FBXO25: variants seen among roughly 807,000 people sequenced by gnomAD.
FBXO25 encodes the protein F-box only protein 25.
Under a neutral mutation model 51.9 loss-of-function variants are expected in FBXO25, and 45 were observed. That is an observed-to-expected ratio of 0.87 (90% CI 0.68 to 1.11). The LOEUF (loss-of-function observed/expected upper bound fraction) is 1.11. Ranked by LOEUF, FBXO25 falls within the 50% of genes most tolerant of loss-of-function variation. FBXO25 has a pLI of 0.00. For synonymous variants in FBXO25, 199 were observed against 151.0 expected (o/e 1.32, Z -2.33); for missense variants, 507 against 428.5 (o/e 1.18, Z -1.62).
At chr8:455,558 A>G (rs747271659) in intron 7 of FBXO25, among the ~76,000 whole-genome samples, 1 of 152,244 alleles carries the variant, frequency 6.6e-6, no homozygotes, top group Non-Finnish European at 1.5e-5. Flanking sequence ...TGGGCAAGCC[A>G]GTCAACTCAT....
chr8:445,583 T>G (rs2116686382), intron 5 of FBXO25, among the ~76,000 whole-genome samples: 1 of 152,238 alleles, frequency 6.6e-6, no homozygotes, highest in Non-Finnish European at 1.5e-5. Flanking sequence ...CTGGGTGCAG[T>G]GGCTCACGCC....
In FBXO25 at chr8:473,418, C is replaced by G. The variant is rs776926847; in HGVS notation, c.*4614C>G. Reference sequence around the variant, plus strand: ...GGCAGTGTATGGCTGCTGCCATTCTCGCCCTCAGCATCTGTGAGATGAAGG... The same window carrying G: ...GGCAGTGTATGGCTGCTGCCATTCTGGCCCTCAGCATCTGTGAGATGAAGG... On this transcript the variant is annotated 3_prime_UTR_variant, in exon 10 of 10. Coordinates refer to ENST00000350302, the MANE Select transcript of FBXO25 (RefSeq NM_183420.2). 2 of 152,364 alleles carry G rather than the reference C, an allele frequency of 1.3e-5. No homozygotes were observed. The highest frequency in any genetic ancestry group is 4.8e-5 in the African/African-American group (2 of 41,460). The allele number at this position is 152,364 out of a possible 1,614,324, so 9.4% of individuals were successfully genotyped here. A position where few individuals can be genotyped will look rare whatever the true frequency, so the allele number is the denominator to read the frequency against.
intron 7 of FBXO25, among the ~76,000 whole-genome samples, chr8:457,998 T>C (rs912283928): frequency 1.3e-5 from 2 of 152,190 alleles, no homozygotes; most frequent in African/African-American, 4.8e-5. Flanking sequence ...GCCCTCATGG[T>C]GCATTGGATT....
chr8:410,435 T>C (rs1380655923), intron 1 of FBXO25, among the ~76,000 whole-genome samples: 3 of 152,190 alleles, frequency 2.0e-5, no homozygotes, highest in Admixed American at 1.3e-4. Flanking sequence ...CTTGATTTTT[T>C]TTTTTAATAT....
chr8:422,720 C>T (rs550421939), intron 2 of FBXO25, among the ~76,000 whole-genome samples: 2 of 152,272 alleles, frequency 1.3e-5, no homozygotes, highest in East Asian at 3.9e-4. Flanking sequence ...AGAGGCATCA[C>T]GTAGTCTGAC....
intron 8 of FBXO25, among the ~76,000 whole-genome samples, chr8:459,789 C>A (rs1267562643): frequency 6.6e-6 from 1 of 152,118 alleles, no homozygotes; most frequent in Non-Finnish European, 1.5e-5. Context: ...GGCCTCAGGG[C>A]ACCAACCCCA....
chr8:435,730 T>G (rs756126393), intron 5 of FBXO25, 23 bp downstream of exon 5: 36 of 1,560,464 alleles, frequency 2.3e-5, no homozygotes, highest in African/African-American at 1.2e-4. Context: ...TTTCAAAAAC[T>G]ACTTTGATGA....
In FBXO25 at chr8:469,081, A is replaced by C. The variant is rs1005515387; in HGVS notation, c.*277A>C. On this transcript the variant is annotated 3_prime_UTR_variant, in exon 10 of 10. Coordinates refer to ENST00000350302, the MANE Select transcript of FBXO25 (RefSeq NM_183420.2). ...CTCTCTCTCTCTATATATATAGTTC[A>C]AAAATACTTTAGGTGGTCAGCTCCA... The C allele has an allele frequency of 2.2e-5, 7 of 323,280 alleles. No homozygotes were observed. Among genetic ancestry groups the C allele is most frequent in the African/African-American group, 1.3e-4 (6 of 46,732 alleles). The allele number at this position is 323,280 out of a possible 1,614,324, so 20.0% of individuals were successfully genotyped here. A position where few individuals can be genotyped will look rare whatever the true frequency, so the allele number is the denominator to read the frequency against.
At chr8:441,327 A>G (rs911072994) in intron 5 of FBXO25, among the ~76,000 whole-genome samples, 2 of 152,216 alleles carry the variant, frequency 1.3e-5, no homozygotes, top group Admixed American at 6.5e-5. Flanking sequence ...AAAAAACTGA[A>G]ACTGGACCGC....
intron 2 of FBXO25, among the ~76,000 whole-genome samples, chr8:416,227 T>G (rs189734736): frequency 4.7e-4 from 72 of 152,374 alleles, no homozygotes; most frequent in African/African-American, 1.7e-3. Flanking sequence ...TCTACTCCTC[T>G]TTGTGTTATC....
Position 470,194 on chromosome 8 carries a change from G to T in FBXO25, c.*1390G>T, listed in dbSNP as rs1383011066. On this transcript the variant is annotated 3_prime_UTR_variant, in exon 10 of 10. Coordinates refer to ENST00000350302, the MANE Select transcript of FBXO25 (RefSeq NM_183420.2). ...AGGCTTTTTCATCACAACATATTGGGGTTCCTGAGTGTCTCGCCGTTAGCA... is the reference window on the plus strand; with the variant it reads ...AGGCTTTTTCATCACAACATATTGGTGTTCCTGAGTGTCTCGCCGTTAGCA... 1.3e-5 allele frequency: 2 copies of T among 152,064 alleles called. No homozygotes were observed. The highest frequency in any genetic ancestry group is 4.8e-5 in the African/African-American group (2 of 41,398). 9.4% of individuals were successfully genotyped at this position (152,064 alleles called of 1,614,324 possible). A position where few individuals can be genotyped will look rare whatever the true frequency, so the allele number is the denominator to read the frequency against.
At chr8:424,767 TTATAG>T (rs1245314130) in intron 2 of FBXO25, among the ~76,000 whole-genome samples, 1 of 152,190 alleles carries the variant, frequency 6.6e-6, no homozygotes, top group Admixed American at 6.5e-5. Flanking sequence ...TACTGGGGCT[TTATAG>T]TATAGTTTGA....
At chr8:423,400 C>T (rs370990228) in intron 2 of FBXO25, among the ~76,000 whole-genome samples, 7 of 152,126 alleles carry the variant, frequency 4.6e-5, no homozygotes, top group South Asian at 2.1e-4. Flanking sequence ...CCTGTCACCT[C>T]GTTAGCATAG....
At chr8:449,268 C>G (rs1798928243) in intron 5 of FBXO25, among the ~76,000 whole-genome samples, 1 of 152,196 alleles carries the variant, frequency 6.6e-6, no homozygotes, top group Admixed American at 6.5e-5. Context: ...TTTTTCCTGC[C>G]ATGATGCACA....
rs1306448826 is a variant in FBXO25 at position 477,188 on chromosome 8, T to C, written c.*8384T>C. On this transcript the variant is annotated 3_prime_UTR_variant, in exon 10 of 10. Coordinates refer to ENST00000350302, the MANE Select transcript of FBXO25 (RefSeq NM_183420.2). ...GTCTTTTGAAATTTGTTGACTTGTT[T>C]AGTCATCTAACATACTGTCTATCCT... 2 of 152,228 alleles carry C rather than the reference T, an allele frequency of 1.3e-5. No individual in the cohort carries two copies. The highest frequency in any genetic ancestry group is 2.4e-5 in the African/African-American group (1 of 41,460). 9.4% of individuals were successfully genotyped at this position (152,228 alleles called of 1,614,324 possible). A position where few individuals can be genotyped will look rare whatever the true frequency, so the allele number is the denominator to read the frequency against.
intron 2 of FBXO25, among the ~76,000 whole-genome samples, chr8:424,781 G>A (rs1278722260): frequency 6.6e-6 from 1 of 152,150 alleles, no homozygotes; most frequent in Non-Finnish European, 1.5e-5. Flanking sequence ...AGTATAGTTT[G>A]AAGTTGAGTA....
chr8:439,108 C>G (rs1798268152), intron 5 of FBXO25, among the ~76,000 whole-genome samples: 1 of 152,198 alleles, frequency 6.6e-6, no homozygotes, highest in African/African-American at 2.4e-5. Flanking sequence ...AGACCAGTAC[C>G]CAAAAGCTGT....
intron 7 of FBXO25, among the ~76,000 whole-genome samples, chr8:452,271 TTAA>T (rs1252089852): frequency 3.9e-5 from 6 of 152,234 alleles, no homozygotes; most frequent in African/African-American, 1.4e-4. Context: ...GAAATTATCC[TTAA>T]TAATGTAACA....
rs370610611 is a variant in FBXO25, at chr8:451,236, A to G, written c.476-33A>G. On this transcript the variant is annotated intron_variant, in intron 6 of 9. Coordinates refer to ENST00000350302, the MANE Select transcript of FBXO25 (RefSeq NM_183420.2). ...TTTTTTTAAAGTGTTGCTTAACTGT[A>G]TCAATCCATAGTTTTATTTTTATTT... 1.9e-6 allele frequency: 3 copies of G among 1,562,596 alleles called. No individual in the cohort carries two copies. The African/African-American group carries it at 4.1e-5, about 22-fold the overall frequency.
Sources: allele counts gnomAD v4.1 joint callset (sites outside exome capture counted in the v4.1 genomes callset), GRCh38; gene constraint gnomAD v4.1.1; transcripts MANE v1.5; gene names NCBI Gene and HGNC (gene_info 2026-07-23, HGNC 2026-07-21).